The following CAPN6 variants were observed in gnomAD, a reference collection of about 807,000 sequenced individuals.
CAPN6 encodes calpain 6.
Under a neutral mutation model 46.0 loss-of-function variants are expected in CAPN6, and 16 were observed. The observed-to-expected ratio is 0.35, with a 90% CI of 0.24 to 0.53. The LOEUF (loss-of-function observed/expected upper bound fraction) is 0.53. Ranked by LOEUF, CAPN6 falls within the 20% of genes least tolerant of loss-of-function variation. CAPN6 has a pLI of 0.94. For synonymous variants in CAPN6, 206 were observed against 172.8 expected, an observed-to-expected ratio of 1.19 and a Z score of -1.51; for missense variants, 461 against 498.0, an observed-to-expected ratio of 0.93 and a Z score of 0.71.
At chrX:111,254,870 C>T (rs2094982560) in intron 2 of CAPN6, among the ~76,000 whole-genome samples, 1 of 112,121 alleles carries the variant, frequency 8.9e-6, no homozygotes, top group Non-Finnish European at 1.9e-5. Context: ...AATTCATCTC[C>T]TTCTCTAGGA....
rs1196104896 is a variant in CAPN6, at chrX:111,251,212, A to G, written c.968T>C (p.Phe323Ser). Residue 323 changes from phenylalanine to serine, a missense_variant, in exon 7 of 13, where the codon TTT becomes TCT. Physicochemically the swap from Phe to Ser is radical, Grantham distance 155 (BLOSUM62 -2). Transcript: ENST00000324068. ...TAGTGCAGAAACCCCTCCTCACCAAAACTCTCCATCATCAGACATAACAAG... is the reference window on the plus strand; with the variant it reads ...TAGTGCAGAAACCCCTCCTCACCAAGACTCTCCATCATCAGACATAACAAG... ...LGLVMSDDGE[F>S]WMSLEDFCRN... 1 of 1,210,242 alleles carries G rather than the reference A, an allele frequency of 8.3e-7. No individual in the cohort carries two copies. Among genetic ancestry groups the G allele is most frequent in the Non-Finnish European group, 1.1e-6 (1 of 894,973 alleles).
chrX:111,255,350 T>C (rs759884938), intron 2 of CAPN6, among the ~76,000 whole-genome samples: 1 of 112,188 alleles, frequency 8.9e-6, no homozygotes, highest in African/African-American at 3.2e-5. Context: ...AGGGGTACGG[T>C]GGCATAACAG....
intron 1 of CAPN6, among the ~76,000 whole-genome samples, chrX:111,268,661 C>T (rs911430831): frequency 7.1e-5 from 8 of 112,840 alleles, no homozygotes; most frequent in African/African-American, 2.3e-4. Flanking sequence ...CTCCCTATTT[C>T]ACCCCTCCTT....
Position 111,253,058 on chromosome X carries a change from G to A in CAPN6, c.456C>T (p.Ser152=), listed in dbSNP as rs1275674664. 1 of 1,211,511 alleles carries A rather than the reference G, an allele frequency of 8.3e-7. No individual in the cohort carries two copies. The highest frequency in any genetic ancestry group is 2.2e-5 in the Admixed American group (1 of 46,063). The change falls in exon 4 of 13, where the codon TCC becomes TCT. Residue 152 remains serine (S), a synonymous_variant. Coordinates refer to ENST00000324068, the MANE Select transcript of CAPN6 (RefSeq NM_014289.4). ...CATTCCAAAACTCATTCATGGAAGT[G>A]GAGAAAGAGAAGACCAGATCTCCGT... ...TINGDLVFSF[S]TSMNEFWNAL...
chrX:111,266,355 G>A (rs1272203409), intron 1 of CAPN6, among the ~76,000 whole-genome samples: 1 of 110,741 alleles, frequency 9.0e-6, no homozygotes, highest in Non-Finnish European at 1.9e-5. Context: ...GGAAAGTGAG[G>A]TTATCTACCC....
At chrX:111,257,077 G>A (rs2094984478) in intron 2 of CAPN6, among the ~76,000 whole-genome samples, 1 of 111,303 alleles carries the variant, frequency 9.0e-6, no homozygotes, top group Admixed American at 9.6e-5. Context: ...TGATCATCTA[G>A]CTAGTCAGCA....
intron 2 of CAPN6, among the ~76,000 whole-genome samples, chrX:111,259,739 G>T (rs1766951907): frequency 8.9e-6 from 1 of 112,025 alleles, no homozygotes; most frequent in Admixed American, 9.5e-5. Flanking sequence ...AGCTGACAGT[G>T]CAAATTCCCA....
chrX:111,251,185 C>T, intron 7 of CAPN6, 24 bp downstream of exon 7: 5 of 1,207,686 alleles, frequency 4.1e-6, no homozygotes, highest in African/African-American at 1.7e-5. Flanking sequence ...CCCCAATTCC[C>T]TTAGTGCAGA....
intron 2 of CAPN6, among the ~76,000 whole-genome samples, chrX:111,263,005 C>T (rs1334794034): frequency 8.9e-6 from 1 of 112,064 alleles, no homozygotes; most frequent in African/African-American, 3.2e-5. Context: ...CATTTATGCT[C>T]ACTTTATAAG....
chrX:111,253,427 C>G (rs768000667), intron 3 of CAPN6, among the ~76,000 whole-genome samples: 1 of 112,527 alleles, frequency 8.9e-6, no homozygotes, highest in East Asian at 2.8e-4. Context: ...ATCACCATGC[C>G]TGTCTAAATG....
rs2094974341 is a variant in CAPN6, at chrX:111,246,170, C to T, written c.*407G>A. ...TTCAGTCAGGAGCTAGGATGTCAGG[C>T]TAGACCAGCTTGGCCTTGATCAGCC... On this transcript the variant is annotated 3_prime_UTR_variant, in exon 13 of 13. Transcript: ENST00000324068. The T allele has an allele frequency of 8.0e-6, 1 of 124,331 alleles. No homozygotes were observed. The highest frequency in any genetic ancestry group is 1.6e-5 in the Non-Finnish European group (1 of 61,583). 10.2% of individuals were successfully genotyped at this position (124,331 alleles called of 1,213,427 possible). A position where few individuals can be genotyped will look rare whatever the true frequency, so the allele number is the denominator to read the frequency against.
intron 4 of CAPN6, 147 bp from the exon 5 acceptor site, chrX:111,252,646 T>C: frequency 2.0e-6 from 1 of 488,062 alleles, no homozygotes; most frequent in Non-Finnish European, 3.3e-6. Flanking sequence ...TGAAATTATA[T>C]TCAGAAATTT....
rs755165421 is a variant in CAPN6, at chrX:111,251,261, C to T, written c.919G>A (p.Ala307Thr). The stretch of plus-strand genomic sequence containing the variant: ...AGCCCCAGGTTCTTGCGATCTGATG[C>T]AGTCAGTTGCTGCCACTCTTCAGAA... ...EISEEWQQLT[A>T]SDRKNLGLVM... Residue 307 changes from alanine to threonine, a missense_variant, in exon 7 of 13, where the codon GCA (alanine) becomes ACA (threonine). Transcript: ENST00000324068. The T allele has an allele frequency of 2.5e-6, 3 of 1,205,406 alleles. No homozygotes were observed. Among genetic ancestry groups the T allele is most frequent in the Non-Finnish European group, 3.4e-6 (3 of 892,830 alleles).
At chrX:111,256,137 G>A (rs1402144449) in intron 2 of CAPN6, among the ~76,000 whole-genome samples, 3 of 111,702 alleles carry the variant, frequency 2.7e-5, no homozygotes, top group Admixed American at 9.5e-5. Context: ...GGTGGCTCTC[G>A]CCTGTAATCC....
At chrX:111,260,525 T>A (rs2094987104) in intron 2 of CAPN6, among the ~76,000 whole-genome samples, 1 of 112,630 alleles carries the variant, frequency 8.9e-6, no homozygotes, top group African/African-American at 3.2e-5. Context: ...CAAACCAGGA[T>A]CTCAACCTTG....
intron 8 of CAPN6, 122 bp from the exon 9 acceptor site, chrX:111,249,179 C>T (rs2094977079): frequency 5.4e-6 from 4 of 739,678 alleles, no homozygotes; most frequent in Non-Finnish European, 7.8e-6. Flanking sequence ...TCTGGGCTTT[C>T]ATATTTATCA....
At chrX:111,268,931 C>A (rs1303499448) in intron 1 of CAPN6, among the ~76,000 whole-genome samples, 1 of 111,733 alleles carries the variant, frequency 8.9e-6, no homozygotes, top group East Asian at 2.8e-4. Context: ...GGGAGGAGGG[C>A]AAACATGCAG....
In CAPN6 at chrX:111,246,543, G is replaced by T. The variant is rs1230798763; in HGVS notation, c.*34C>A. On this transcript the variant is annotated 3_prime_UTR_variant, in exon 13 of 13. Coordinates refer to ENST00000324068, the MANE Select transcript of CAPN6 (RefSeq NM_014289.4). ...GCACCTGACGGAAAATAAAAGGGTG[G>T]CACGCTTTGTCAGGATTCTCTGGGA... The T allele has an allele frequency of 8.8e-6, 10 of 1,140,086 alleles. No homozygotes were observed. The highest frequency in any genetic ancestry group is 1.1e-5 in the Non-Finnish European group (9 of 837,275). The allele number at this position is 1,140,086 out of a possible 1,213,427, so 94.0% of individuals were successfully genotyped here.
At chrX:111,256,173 T>C (rs2094983596) in intron 2 of CAPN6, among the ~76,000 whole-genome samples, 1 of 111,217 alleles carries the variant, frequency 9.0e-6, no homozygotes, top group Non-Finnish European at 1.9e-5. Flanking sequence ...CCGAGGCAGG[T>C]GGATCACCTG....
Sources: gnomAD v4.1 joint callset for allele counts (sites outside exome capture counted in the v4.1 genomes callset) on GRCh38, gnomAD v4.1.1 for gene constraint, MANE v1.5 for transcripts, NCBI Gene and HGNC (gene_info 2026-07-23, HGNC 2026-07-21) for gene names.